The following KDM2A variants were observed in gnomAD, a reference collection of about 807,000 sequenced individuals.
KDM2A encodes the protein lysine-specific demethylase 2A.
KDM2A carries 3 observed loss-of-function variants against 137.3 expected under a neutral mutation model. The observed-to-expected ratio is 0.02, with a 90% CI of 0.01 to 0.06. KDM2A has a LOEUF of 0.06. Ranked by LOEUF, KDM2A falls within the 10% of genes least tolerant of loss-of-function variation. The pLI, the probability that KDM2A is intolerant of heterozygous loss-of-function variation, is 1.00. For missense variants in KDM2A, 738 were observed against 1,510.6 expected, an observed-to-expected ratio of 0.49 and a Z score of 8.48; for synonymous variants, 512 against 541.5, an observed-to-expected ratio of 0.95 and a Z score of 0.76.
rs746762305 is a variant in KDM2A at position 67,254,502 on chromosome 11, T to G, written c.3307+84T>G. On this transcript the variant is annotated intron_variant, in intron 20 of 20. Transcript: ENST00000529006. This position sits in a 1 kb window ranked among gnomAD's most constrained non-coding sequence, Gnocchi z 4.7. ...ACTTGATCAGTAAACCAGAATGACC[T>G]TGGGTCTGTTGATTGACCCACATCA... 1.7e-6 allele frequency: 2 copies of G among 1,177,268 alleles called. No individual in the cohort carries two copies. The highest frequency in any genetic ancestry group is 3.4e-5 in the Admixed American group (2 of 58,342). 72.9% of individuals were successfully genotyped at this position (1,177,268 alleles called of 1,614,324 possible).
intron 5 of KDM2A, among the ~76,000 whole-genome samples, chr11:67,206,479 G>A (rs1156627789): frequency 4.6e-5 from 7 of 152,160 alleles, no homozygotes; most frequent in Non-Finnish European, 8.8e-5. Context: ...GCTCACGCCT[G>A]TAATCCTAGC....
rs1448591973 is a variant in KDM2A, at chr11:67,245,918, T to G, written c.1834-67T>G. ...AGGACCCAAATCTCCCATCTTCAGT[T>G]TAAGGGAAACTGAAATGATAAAGAT... On this transcript the variant is annotated intron_variant, in intron 14 of 20. Coordinates refer to ENST00000529006, the MANE Select transcript of KDM2A (RefSeq NM_012308.3). The surrounding 1 kb of genome is among the most constrained non-coding windows in gnomAD (Gnocchi z 4.1). 2 of 1,585,028 alleles carry G rather than the reference T, an allele frequency of 1.3e-6. No homozygotes were observed. The highest frequency in any genetic ancestry group is 2.2e-5 in the East Asian group (1 of 44,484).
At chr11:67,124,672 C>T (rs1204757367) in intron 2 of KDM2A, among the ~76,000 whole-genome samples, 1 of 141,280 alleles carries the variant, frequency 7.1e-6, no homozygotes, top group Non-Finnish European at 1.5e-5. Flanking sequence ...GAAGGAGAGT[C>T]AAGTACTCTT....
chr11:67,255,217 GT>G lies in KDM2A; in HGVS notation c.*163del, dbSNP rs772526286. 4.4e-4 allele frequency: 279 copies of G among 639,524 alleles called. No individual in the cohort carries two copies. The highest frequency in any genetic ancestry group is 1.3e-3 in the Middle Eastern group (3 of 2,350). 39.6% of individuals were successfully genotyped at this position (639,524 alleles called of 1,614,324 possible). ...CTCTACAGGTGGGGCAGAGAGGGTG[GT>G]GGACACCAGGCTTATCTGCCTGCTC... is the stretch of plus-strand genomic sequence containing the variant. On this transcript the variant is annotated 3_prime_UTR_variant, in exon 21 of 21. Transcript: ENST00000529006.
At chr11:67,180,013 T>C (rs938131093) in intron 2 of KDM2A, 66 bp from the exon 3 acceptor site, 6 of 1,516,218 alleles carry the variant, frequency 4.0e-6, no homozygotes, top group Non-Finnish European at 5.4e-6. Flanking sequence ...TAGGGAAATC[T>C]ATGACCACTT....
At chr11:67,225,095 TG>T (rs1405957476) in intron 10 of KDM2A, among the ~76,000 whole-genome samples, 4 of 152,054 alleles carry the variant, frequency 2.6e-5, no homozygotes, top group Non-Finnish European at 5.9e-5. Context: ...CCCAAAGCGC[TG>T]GGATTACAGG....
intron 5 of KDM2A, among the ~76,000 whole-genome samples, chr11:67,187,218 GA>G (rs1379470190): frequency 6.6e-6 from 1 of 152,140 alleles, no homozygotes; most frequent in African/African-American, 2.4e-5. Flanking sequence ...AAGTACAAAA[GA>G]AAACAGTAAT....
chr11:67,141,426 G>A (rs1340295323), intron 2 of KDM2A, among the ~76,000 whole-genome samples: 1 of 151,618 alleles, frequency 6.6e-6, no homozygotes, highest in Non-Finnish European at 1.5e-5. Context: ...CAGCACTTTG[G>A]GAGGCCAAGG....
At chr11:67,172,616 TTGTGTGTGTG>T (rs35333315) in intron 2 of KDM2A, among the ~76,000 whole-genome samples, 55 of 146,526 alleles carry the variant, frequency 3.8e-4, no homozygotes, top group East Asian at 1.6e-3. Flanking sequence ...GCTCTTATAG[TTGTGTGTGTG>T]TGTGTGTGTG....
chr11:67,170,404 C>CT (rs1430692171), intron 2 of KDM2A, among the ~76,000 whole-genome samples: 3 of 113,744 alleles, frequency 2.6e-5, no homozygotes, highest in African/African-American at 1.1e-4. Flanking sequence ...TTTTTTCTTT[C>CT]TTTCTTTTTT....
rs559365750 is a variant in KDM2A at position 67,164,835 on chromosome 11, G to A, written c.43-15244G>A. The stretch of plus-strand genomic sequence containing the variant: ...GCTGGTCTTGAACTCCTGATCTCAA[G>A]TGATCTACCCACCTCGGCCTCCCAA... On this transcript the variant is annotated intron_variant, in intron 2 of 20. Transcript: ENST00000529006. Among the ~76,000 whole-genome samples, 3 of 152,108 alleles carry A rather than the reference G, an allele frequency of 2.0e-5. No homozygotes were observed. The East Asian group carries it at 5.8e-4, about 29-fold the overall frequency.
chr11:67,129,939 C>T lies in KDM2A; in HGVS notation c.42+8581C>T, dbSNP rs961951673. 2.0e-4 allele frequency among the ~76,000 whole-genome samples: 30 copies of T among 150,476 alleles called. 1 individual carries two copies. The highest frequency in any genetic ancestry group is 3.4e-3 in the Middle Eastern group (1 of 290). ...AAAATTAAAAAAATTAAAGTTTAGT[C>T]TGAATTTTAAGCTCTCCTATTCTTT... On this transcript the variant is annotated intron_variant, in intron 2 of 20. Coordinates refer to ENST00000529006, the MANE Select transcript of KDM2A (RefSeq NM_012308.3).
rs931021089 is a variant in KDM2A, at chr11:67,215,456, G to C, written c.593+10G>C. The C allele has an allele frequency of 1.9e-6, 3 of 1,565,080 alleles. No homozygotes were observed. The highest frequency in any genetic ancestry group is 3.4e-5 in the Admixed American group (2 of 59,670). On this transcript the variant is annotated intron_variant, in intron 7 of 20. Transcript: ENST00000529006. ...ACCCTAAAGTGCAGAAGTAAGTGAT[G>C]CGCCCTGCATCTTCCTCCGTGTGCT...
Position 67,245,382 on chromosome 11 carries a change from A to G in KDM2A, c.1757A>G (p.His586Arg). ...GTGCAAGGAGAGTGTGGTGTTTGCC[A>G]CTACTGCAGAGACATGAAGAAGTTT... ...ACVQGECGVC[H>R]YCRDMKKFGG... is the part of the protein sequence containing the mutation. The change falls in exon 14 of 21, where the codon CAC becomes CGC. Residue 586 changes from histidine (H) to arginine (R), a missense_variant. His to Arg is a conservative substitution (Grantham distance 29, BLOSUM62 0). Coordinates refer to ENST00000529006, the MANE Select transcript of KDM2A (RefSeq NM_012308.3). The surrounding 1 kb of genome is among the most constrained non-coding windows in gnomAD (Gnocchi z 4.1). 6.2e-7 allele frequency: 1 copy of G among 1,614,036 alleles called. No individual in the cohort carries two copies. Among genetic ancestry groups the G allele is most frequent in the Non-Finnish European group, 8.5e-7 (1 of 1,179,890 alleles).
chr11:67,135,684 CTTCT>C (rs1392644507), intron 2 of KDM2A, among the ~76,000 whole-genome samples: 1 of 152,120 alleles, frequency 6.6e-6, no homozygotes, highest in Non-Finnish European at 1.5e-5. Context: ...TTGCAAAGTA[CTTCT>C]TTGTCTCTTG....
intron 2 of KDM2A, among the ~76,000 whole-genome samples, chr11:67,137,046 G>A (rs748540872): frequency 1.8e-4 from 28 of 152,132 alleles, no homozygotes; most frequent in Non-Finnish European, 3.2e-4. Context: ...AGACCTAAAG[G>A]GTGACTAGGA....
intron 5 of KDM2A, among the ~76,000 whole-genome samples, chr11:67,193,162 G>C (rs1191527412): frequency 1.3e-5 from 2 of 151,866 alleles, no homozygotes; most frequent in Non-Finnish European, 2.9e-5. Flanking sequence ...GCTCATTTTT[G>C]TATTTTTAGT....
At chr11:67,168,578 A>G (rs1388271287) in intron 2 of KDM2A, among the ~76,000 whole-genome samples, 2 of 2,374 alleles carry the variant, frequency 8.4e-4, no homozygotes, top group South Asian at 0.037. Context: ...TCTTGTATGA[A>G]TTATACACAC....
chr11:67,247,214 C>T (rs1859276659), intron 15 of KDM2A, among the ~76,000 whole-genome samples: 2 of 145,704 alleles, frequency 1.4e-5, no homozygotes, highest in Admixed American at 1.4e-4. Context: ...CTCAGCTTCC[C>T]TAGTAGTTGG....
Sources: allele counts gnomAD v4.1 joint callset (sites outside exome capture counted in the v4.1 genomes callset), GRCh38; gene constraint gnomAD v4.1.1; non-coding constraint Gnocchi (gnomAD v3.1); transcripts MANE v1.5; gene names NCBI Gene and HGNC (gene_info 2026-07-23, HGNC 2026-07-21).